The following DPP8 variants were observed in gnomAD, a reference collection of about 807,000 sequenced individuals.
DPP8 encodes the protein DPP VIII.
A neutral mutation model predicts 107.5 loss-of-function variants in DPP8; 31 were observed. The ratio of observed to expected loss-of-function variants is 0.29; its 90% CI spans 0.22 to 0.39. DPP8 has a LOEUF of 0.39. DPP8 is among the 10% of genes least tolerant of loss of function. The pLI is 1.00. For missense variants in DPP8, 842 were observed against 1,076.1 expected, an observed-to-expected ratio of 0.78 and a Z score of 3.04; for synonymous variants, 381 against 356.6, an observed-to-expected ratio of 1.07 and a Z score of -0.77.
At chr15:65,505,178 AC>A (rs1304805922) in intron 3 of DPP8, among the ~76,000 whole-genome samples, 1 of 151,668 alleles carries the variant, frequency 6.6e-6, no homozygotes, top group East Asian at 1.9e-4. Context: ...ACACAGTGAA[AC>A]CCCGTCCGTA....
chr15:65,467,169 G>A lies in DPP8; in HGVS notation c.1591C>T (p.Pro531Ser), dbSNP rs2140499101. The A allele has an allele frequency of 6.2e-7, 1 of 1,614,016 alleles. No homozygotes were observed. Among genetic ancestry groups the A allele is most frequent in the South Asian group, 1.1e-5 (1 of 91,068 alleles). Residue 531 changes from proline (P) to serine (S), a missense_variant, in exon 13 of 20, where the codon CCT (proline) becomes TCT (serine). Pro to Ser is a moderately conservative substitution (Grantham distance 74). Around this residue, in one of 2 missense-constraint regions of DPP8, gnomAD observed 663 missense variants for 758.0 expected, o/e 0.87. Transcript: ENST00000300141. The part of the protein sequence containing the change: ...LVYFEGTKDS[P>S]LEHHLYVVSY... ...ACTACGTACAGGTGATGCTCTAAAG[G>A]GGAGTCTTTGGTGCCTTCAAAATAT...
intron 14 of DPP8, among the ~76,000 whole-genome samples, 161 bp from the exon 15 acceptor site, chr15:65,464,067 T>G (rs1367472668): frequency 1.3e-5 from 2 of 152,020 alleles, no homozygotes; most frequent in Non-Finnish European, 2.9e-5. Flanking sequence ...ATATTCATCT[T>G]TAAAAACAAA....
intron 14 of DPP8, 123 bp from the exon 15 acceptor site, chr15:65,464,029 G>T: frequency 1.5e-6 from 1 of 680,346 alleles, no homozygotes; most frequent in Non-Finnish European, 2.3e-6. Flanking sequence ...CCCTCTTTCA[G>T]ATGATAAGCT....
intron 1 of DPP8, 152 bp from the exon 2 acceptor site, chr15:65,512,716 A>G (rs748446241): frequency 1.8e-5 from 13 of 706,092 alleles, no homozygotes; most frequent in African/African-American, 3.6e-5. Flanking sequence ...TAAGAAAAGC[A>G]ACAGCTCTCC....
intron 6 of DPP8, 50 bp from the exon 7 acceptor site, chr15:65,487,868 T>C: frequency 1.6e-6 from 2 of 1,277,208 alleles, no homozygotes; most frequent in Non-Finnish European, 2.2e-6. Context: ...TTCCAGAGAG[T>C]AGTCATAACC....
chr15:65,515,595 C>A, intron 1 of DPP8: 1 of 1,427,822 alleles, frequency 7.0e-7, no homozygotes, highest in South Asian at 1.1e-5. Flanking sequence ...CTTCTCAGCA[C>A]AGTGCATATA....
intron 19 of DPP8, among the ~76,000 whole-genome samples, chr15:65,448,922 A>ATATT (rs2063757092): frequency 3.3e-5 from 3 of 90,880 alleles, no homozygotes; most frequent in African/African-American, 1.2e-4. Flanking sequence ...ATATATATAT[A>ATATT]TTTAGCCTGG....
At chr15:65,475,620 G>A in intron 11 of DPP8, 1 of 941,090 alleles carries the variant, frequency 1.1e-6, no homozygotes, top group Non-Finnish European at 1.7e-6. Context: ...ATTTCAACAA[G>A]GCATTTCTTC....
intron 1 of DPP8, among the ~76,000 whole-genome samples, chr15:65,514,416 A>G (rs1436428049): frequency 6.6e-6 from 1 of 152,166 alleles, no homozygotes; most frequent in Non-Finnish European, 1.5e-5. Flanking sequence ...GTGGTTATAT[A>G]CTATCATATG....
chr15:65,474,106 G>GAA, intron 12 of DPP8, 103 bp downstream of exon 12: 1 of 858,228 alleles, frequency 1.2e-6, no homozygotes, highest in Non-Finnish European at 1.9e-6. Flanking sequence ...CTCTGTCTCG[G>GAA]AAAAAAAAAT....
At chr15:65,467,501 C>G (rs2065467780) in intron 12 of DPP8, among the ~76,000 whole-genome samples, 1 of 152,176 alleles carries the variant, frequency 6.6e-6, no homozygotes, top group African/African-American at 2.4e-5. Flanking sequence ...CTCACCCCAG[C>G]CTCCTGAGTA....
intron 2 of DPP8, among the ~76,000 whole-genome samples, chr15:65,508,591 A>G (rs1042281243): frequency 5.3e-5 from 8 of 152,160 alleles, no homozygotes; most frequent in Admixed American, 2.0e-4. Flanking sequence ...GGTGGCTCAC[A>G]CCTGTAATCC....
At chr15:65,449,627 T>G (rs768708858) in intron 19 of DPP8, among the ~76,000 whole-genome samples, 1 of 152,080 alleles carries the variant, frequency 6.6e-6, no homozygotes, top group Admixed American at 6.6e-5. Flanking sequence ...CCAGGCTGGT[T>G]GTGAACTCTT....
chr15:65,470,919 C>CAAAAAAAAAAAAAAAAAAAAAA (rs773144225), intron 12 of DPP8, among the ~76,000 whole-genome samples: 6 of 110,766 alleles, frequency 5.4e-5, no homozygotes, highest in African/African-American at 1.7e-4. Flanking sequence ...ACTCTTATCT[C>CAAAAAAAAAAAAAAAAAAAAAA]AAAAAAAAAA....
intron 19 of DPP8, chr15:65,450,797 T>C: frequency 2.1e-6 from 1 of 471,918 alleles, no homozygotes; most frequent in Non-Finnish European, 3.7e-6. Flanking sequence ...TGTAATCTGA[T>C]AGGCAGGTAT....
chr15:65,487,435 T>C (rs1042761080), intron 7 of DPP8, among the ~76,000 whole-genome samples: 2 of 152,106 alleles, frequency 1.3e-5, no homozygotes, highest in African/African-American at 2.4e-5. Flanking sequence ...AGACGTGAGC[T>C]ACCACGCCCG....
intron 14 of DPP8, among the ~76,000 whole-genome samples, chr15:65,464,686 T>C (rs1387849005): frequency 6.6e-6 from 1 of 152,110 alleles, no homozygotes; most frequent in East Asian, 1.9e-4. Context: ...CAAGACACTG[T>C]CTCGACAACA....
intron 5 of DPP8, among the ~76,000 whole-genome samples, chr15:65,492,639 A>G (rs1292747063): frequency 6.6e-6 from 1 of 152,036 alleles, no homozygotes; most frequent in Non-Finnish European, 1.5e-5. Flanking sequence ...TCTGTCACCA[A>G]GGGTAGAGCG....
At chr15:65,492,374 T>C (rs751300576) in intron 5 of DPP8, among the ~76,000 whole-genome samples, 87 of 152,140 alleles carry the variant, frequency 5.7e-4, no homozygotes, top group Non-Finnish European at 1.0e-3. Flanking sequence ...TTTGAGAACA[T>C]GTGTTTTTAT....
Sources: allele counts gnomAD v4.1 joint callset (sites outside exome capture counted in the v4.1 genomes callset), GRCh38; gene constraint gnomAD v4.1.1; regional missense constraint gnomAD v4.1.1; transcripts MANE v1.5; gene names NCBI Gene and HGNC (gene_info 2026-07-23, HGNC 2026-07-21).